HMCN1: variants seen among roughly 807,000 people sequenced by gnomAD.
HMCN1 encodes hemicentin-1.
HMCN1 carries 321 observed loss-of-function variants against 625.9 expected under a neutral mutation model. The observed-to-expected ratio is 0.51, with a 90% CI of 0.47 to 0.56. The LOEUF is 0.56. Ranked by LOEUF, HMCN1 falls within the 20% of genes least tolerant of loss-of-function variation. The pLI is 0.00. For missense variants in HMCN1, 6,588 were observed against 6,887.3 expected, an observed-to-expected ratio of 0.96 and a Z score of 1.54; for synonymous variants, 2,425 against 2,417.6, an observed-to-expected ratio of 1.00 and a Z score of -0.09.
chr1:186,050,802 G>A (rs532787770), intron 42 of HMCN1, among the ~76,000 whole-genome samples: 34 of 152,166 alleles, frequency 2.2e-4, no homozygotes, highest in Middle Eastern at 3.4e-3. Context: ...TCTTCTAGGC[G>A]CTATGCCATG....
intron 4 of HMCN1, 86 bp from the exon 5 acceptor site, chr1:185,909,251 T>A: frequency 9.8e-7 from 1 of 1,022,720 alleles, no homozygotes; most frequent in Non-Finnish European, 1.5e-6. Context: ...CGGAGTCATT[T>A]GATCACCCAA....
At chr1:185,963,632 G>GT in intron 12 of HMCN1, 136 bp from the exon 13 acceptor site, 1 of 658,252 alleles carries the variant, frequency 1.5e-6, no homozygotes, top group Non-Finnish European at 2.7e-6. Context: ...AATAATGATG[G>GT]TAACCATTTC....
chr1:185,853,813 G>A (rs1484311488), intron 2 of HMCN1, among the ~76,000 whole-genome samples: 1 of 152,184 alleles, frequency 6.6e-6, no homozygotes, highest in Non-Finnish European at 1.5e-5. Flanking sequence ...TTAGAGTGGG[G>A]TGGATATTAT....
intron 1 of HMCN1, among the ~76,000 whole-genome samples, chr1:185,782,005 A>G (rs1657156523): frequency 6.6e-6 from 1 of 152,072 alleles, no homozygotes; most frequent in African/African-American, 2.4e-5. Context: ...GTCTCTAAGG[A>G]CTTGTTTTAT....
chr1:185,852,768 G>C (rs1472764851), intron 2 of HMCN1, among the ~76,000 whole-genome samples: 1 of 151,870 alleles, frequency 6.6e-6, no homozygotes, highest in African/African-American at 2.4e-5. Flanking sequence ...ACTAGCTCTA[G>C]TACTCCAAAG....
chr1:186,188,013 T>C lies in HMCN1; in HGVS notation c.16541+4T>C. The C allele has an allele frequency of 6.2e-7, 1 of 1,613,856 alleles. No individual in the cohort carries two copies. On this transcript the variant is annotated splice_donor_region_variant and intron_variant, in intron 106 of 106. Coordinates refer to ENST00000271588, the MANE Select transcript of HMCN1 (RefSeq NM_031935.3). ...ACCAACGGGATCCTGTTTCAGGGTA[T>C]GTCTTGCCTTCTCATCCCAGACATG...
At chr1:186,128,019 A>G in intron 82 of HMCN1, 59 bp from the exon 83 acceptor site, 2 of 1,436,676 alleles carry the variant, frequency 1.4e-6, no homozygotes, top group Non-Finnish European at 2.0e-6. Context: ...AATTTGATGT[A>G]TTTTATGTAC....
intron 15 of HMCN1, among the ~76,000 whole-genome samples, chr1:185,972,725 A>C (rs1253544994): frequency 6.6e-6 from 1 of 152,056 alleles, no homozygotes; most frequent in Non-Finnish European, 1.5e-5. Flanking sequence ...TGTAGCTCAC[A>C]ATGTTAGGAG....
rs1658233936 is a variant in HMCN1, at chr1:186,067,966, G to A, written c.7838G>A (p.Gly2613Asp). The A allele has an allele frequency of 6.2e-7, 1 of 1,613,712 alleles. No homozygotes were observed. The highest frequency in any genetic ancestry group is 8.5e-7 in the Non-Finnish European group (1 of 1,179,730). Residue 2613 changes from glycine (G) to aspartate (D), a missense_variant, in exon 50 of 107, where the codon GGC (glycine) becomes GAC (aspartate). By Grantham distance (94) the Gly-to-Asp change is moderately conservative. Around this residue, in one of 3 missense-constraint regions of HMCN1, gnomAD observed 4,628 missense variants for 4,853.1 expected, o/e 0.95. Transcript: ENST00000271588. ...PPATITWFKD[G>D]TPLESNRNIR... ...GCTACCATCACCTGGTTTAAGGATG[G>A]CACTCCTTTAGAATCTAACCGAAAT...
At chr1:185,919,605 C>T (rs569637975) in intron 6 of HMCN1, among the ~76,000 whole-genome samples, 8 of 152,250 alleles carry the variant, frequency 5.3e-5, no homozygotes, top group African/African-American at 1.7e-4. Flanking sequence ...TATAACTCTC[C>T]TCCTATTGTG....
chr1:186,186,459 G>A (rs755464851), intron 105 of HMCN1, among the ~76,000 whole-genome samples: 8 of 152,124 alleles, frequency 5.3e-5, no homozygotes, highest in African/African-American at 1.2e-4. Flanking sequence ...CCCAGGAGGC[G>A]GAGCTTGCAA....
At chr1:186,117,903 C>T (rs1264148718) in intron 77 of HMCN1, among the ~76,000 whole-genome samples, 2 of 152,056 alleles carry the variant, frequency 1.3e-5, no homozygotes, top group African/African-American at 4.8e-5. Context: ...ATTTACCAAA[C>T]CTAAGGTTTA....
At chr1:186,003,960 G>A (rs1653371676) in intron 29 of HMCN1, 116 bp downstream of exon 29, 2 of 1,016,320 alleles carry the variant, frequency 2.0e-6, no homozygotes, top group South Asian at 1.4e-5. Context: ...TATTAAATGA[G>A]CATACAGGAA....
intron 1 of HMCN1, among the ~76,000 whole-genome samples, chr1:185,844,032 A>G (rs977744688): frequency 3.3e-5 from 5 of 151,776 alleles, no homozygotes; most frequent in African/African-American, 1.2e-4. Flanking sequence ...TATTCTTTGT[A>G]TTTCTTTCTA....
chr1:186,189,431 G>A (rs1487086555), intron 106 of HMCN1, 81 bp from the exon 107 acceptor site: 7 of 1,534,630 alleles, frequency 4.6e-6, no homozygotes, highest in African/African-American at 4.1e-5. Flanking sequence ...CCTAAAAGTT[G>A]TCATGGATCA....
chr1:185,879,132 C>T lies in HMCN1; in HGVS notation c.621+13269C>T, dbSNP rs554157842. Among the ~76,000 whole-genome samples, 113 of 152,258 alleles carry T rather than the reference C, an allele frequency of 7.4e-4. 1 individual carries two copies. Among genetic ancestry groups the T allele is most frequent in the Admixed American group, 6.5e-4 (10 of 15,284 alleles). The stretch of plus-strand genomic sequence containing the variant: ...ATAATTGCCTTCCCAGTCAACCAAT[C>T]CCTTCCTTGCCTAGTATCTTGCTTA... On this transcript the variant is annotated intron_variant, in intron 4 of 106. Transcript: ENST00000271588.
chr1:185,920,371 A>T (rs1361752797), intron 6 of HMCN1, among the ~76,000 whole-genome samples: 1 of 152,202 alleles, frequency 6.6e-6, no homozygotes, highest in Admixed American at 6.5e-5. Flanking sequence ...CAAACACTTA[A>T]ATTCATCAAA....
rs1356571754 is a variant in HMCN1, at chr1:186,174,620, A to G, written c.15921A>G (p.Gln5307=). The G allele has an allele frequency of 6.2e-7, 1 of 1,614,066 alleles. No individual in the cohort carries two copies. Among genetic ancestry groups the G allele is most frequent in the Admixed American group, 1.7e-5 (1 of 60,020 alleles). Residue 5307 remains glutamine, a synonymous_variant, in exon 103 of 107, where the codon CAA becomes CAG. Transcript: ENST00000271588. ...RCVCPRGYRS[Q]GVGRPCMDIN... ...TATGCCCAAGAGGTTATCGGTCTCA[A>G]GGAGTTGGAAGACCCTGCATGGGTA... is the stretch of plus-strand genomic sequence containing the variant.
intron 1 of HMCN1, among the ~76,000 whole-genome samples, chr1:185,839,739 T>C (rs1341267517): frequency 6.6e-6 from 1 of 152,248 alleles, no homozygotes; most frequent in Non-Finnish European, 1.5e-5. Context: ...GCTGAATTTA[T>C]GTCAACAATT....
Sources: gnomAD v4.1 joint callset for allele counts (sites outside exome capture counted in the v4.1 genomes callset) on GRCh38, gnomAD v4.1.1 for gene constraint, gnomAD v4.1.1 regional missense constraint, MANE v1.5 for transcripts, NCBI Gene and HGNC (gene_info 2026-07-23, HGNC 2026-07-21) for gene names.